Variants in CILK1 observed in about 807,000 individuals in gnomAD.
The protein encoded by CILK1 is serine/threonine-protein kinase ICK.
In CILK1, 47 loss-of-function variants were observed where a neutral mutation model predicts 79.2. The observed-to-expected ratio is 0.59, with a 90% CI of 0.47 to 0.76. The LOEUF (loss-of-function observed/expected upper bound fraction) is 0.76. Among genes scored for constraint, CILK1 ranks in the 30% least tolerant of loss-of-function variants. CILK1 has a pLI of 0.00. For synonymous variants in CILK1, 266 were observed against 275.9 expected, an observed-to-expected ratio of 0.96 and a Z score of 0.36; for missense variants, 660 against 769.5, an observed-to-expected ratio of 0.86 and a Z score of 1.68.
Position 53,016,093 on chromosome 6 carries a change from G to A in CILK1, c.821C>T (p.Thr274Ile). 6.2e-7 allele frequency: 1 copy of A among 1,614,022 alleles called. No homozygotes were observed. The highest frequency in any genetic ancestry group is 8.5e-7 in the Non-Finnish European group (1 of 1,179,872). ...AAAATGGAAGAAAACCTGACTAGCT[G>A]TTGGTCGTTTCTTGGGATCCCACTG... ...MLQWDPKKRP[T>I]ASQALRYPYF... Residue 274 changes from threonine to isoleucine, a missense_variant, in exon 8 of 14, where the codon ACA (threonine) becomes ATA (isoleucine). Coordinates refer to ENST00000676107, the MANE Select transcript of CILK1 (RefSeq NM_014920.5).
Position 53,038,693 on chromosome 6 carries a change from T to C in CILK1, c.102-700A>G, listed in dbSNP as rs933979755. Among the ~76,000 whole-genome samples the C allele has an allele frequency of 4.5e-4, 68 of 152,244 alleles. 2 individuals carry two copies. Among genetic ancestry groups the C allele is most frequent in the Non-Finnish European group, 2.9e-5 (2 of 68,040 alleles). ...CCAGTTTCTATAAGTGAAATTTTATTGGAACACAACCATACTCATTCATTT... is the reference window on the plus strand; with the variant it reads ...CCAGTTTCTATAAGTGAAATTTTATCGGAACACAACCATACTCATTCATTT... On this transcript the variant is annotated intron_variant, in intron 2 of 13. Coordinates refer to ENST00000676107, the MANE Select transcript of CILK1 (RefSeq NM_014920.5).
intron 9 of CILK1, among the ~76,000 whole-genome samples, chr6:53,013,359 T>C (rs1764689779): frequency 1.3e-5 from 2 of 152,200 alleles, no homozygotes; most frequent in African/African-American, 2.4e-5. Context: ...CTTGCATAGG[T>C]ATCAAGCTAC....
intron 1 of CILK1, among the ~76,000 whole-genome samples, chr6:53,043,887 G>A (rs1260545002): frequency 1.3e-5 from 2 of 152,042 alleles, no homozygotes; most frequent in Non-Finnish European, 2.9e-5. Context: ...TGGGCTTAGG[G>A]AGGGCAGGAA....
At chr6:53,037,169 C>G (rs1286951576) in intron 3 of CILK1, among the ~76,000 whole-genome samples, 2 of 152,128 alleles carry the variant, frequency 1.3e-5, no homozygotes. Context: ...AAGCACCACT[C>G]CACTGCACAA....
At chr6:53,015,891 T>C in intron 8 of CILK1, 192 bp downstream of exon 8, 1 of 589,680 alleles carries the variant, frequency 1.7e-6, no homozygotes, top group Non-Finnish European at 3.0e-6. Flanking sequence ...AACTATATTG[T>C]TTACATTGTA....
In CILK1 at chr6:53,031,139, T is replaced by C; in HGVS notation, c.284A>G (p.Lys95Arg). The part of the protein sequence containing the change: ...NLYQLIKERN[K>R]LFPESAIRNI... ...CCTTATAGCAGACTCAGGAAACAAC[T>C]TATTTCTGTATGAGGCAGAGGAAAA... is the stretch of plus-strand genomic sequence containing the variant. The change falls in exon 5 of 14, where the codon AAG becomes AGG. Residue 95 changes from lysine to arginine, a missense_variant. Physicochemically the swap from Lys to Arg is conservative, Grantham distance 26. Transcript: ENST00000676107. 6.2e-7 allele frequency: 1 copy of C among 1,600,224 alleles called. No homozygotes were observed. Among genetic ancestry groups the C allele is most frequent in the Admixed American group, 1.7e-5 (1 of 59,996 alleles).
At chr6:53,028,939 G>C (rs1004847116) in intron 5 of CILK1, among the ~76,000 whole-genome samples, 1 of 151,776 alleles carries the variant, frequency 6.6e-6, no homozygotes, top group African/African-American at 2.4e-5. Flanking sequence ...CTTATGTGTG[G>C]TCTATGTGTT....
intron 1 of CILK1, among the ~76,000 whole-genome samples, chr6:53,048,240 A>G (rs528232511): frequency 6.6e-6 from 1 of 152,354 alleles, no homozygotes; most frequent in African/African-American, 2.4e-5. Context: ...AAAGTACAAG[A>G]AGGGTAGATG....
At chr6:53,016,346 G>T in intron 7 of CILK1, 96 bp from the exon 8 acceptor site, 2 of 1,183,970 alleles carry the variant, frequency 1.7e-6, no homozygotes, top group Non-Finnish European at 2.5e-6. Flanking sequence ...AGGCAACCAT[G>T]TCATTACCCA....
rs893641224 is a variant in CILK1, at chr6:53,032,038, G to A, written c.278+495C>T. On this transcript the variant is annotated intron_variant, in intron 4 of 13. Transcript: ENST00000676107. ...AGTAGAGACAGGGTTTCCCCATGTT[G>A]ATGAGGCTGGTCGTGACCTCCTGAC... 2.0e-5 allele frequency among the ~76,000 whole-genome samples: 3 copies of A among 152,312 alleles called. No homozygotes were observed. In the South Asian group the frequency reaches 6.2e-4, roughly 32 times the overall value.
intron 5 of CILK1, among the ~76,000 whole-genome samples, chr6:53,029,584 C>T (rs1765795187): frequency 6.6e-6 from 1 of 152,136 alleles, no homozygotes; most frequent in Non-Finnish European, 1.5e-5. Context: ...TGCACTATGC[C>T]ACCTTCTTCA....
intron 1 of CILK1, among the ~76,000 whole-genome samples, chr6:53,059,880 T>C (rs1581789676): frequency 6.6e-6 from 1 of 152,222 alleles, no homozygotes; most frequent in African/African-American, 2.4e-5. Context: ...ATTCATTCAT[T>C]CAGCAACCAT....
chr6:53,011,731 T>C (rs1764581679), intron 11 of CILK1, 38 bp downstream of exon 11: 1 of 1,592,008 alleles, frequency 6.3e-7, no homozygotes, highest in Non-Finnish European at 8.6e-7. Flanking sequence ...CAGGGTTTCT[T>C]ATTAATAATC....
chr6:53,032,851 C>T (rs1240618082), intron 3 of CILK1, among the ~76,000 whole-genome samples, 197 bp from the exon 4 acceptor site: 1 of 152,138 alleles, frequency 6.6e-6, no homozygotes, highest in Non-Finnish European at 1.5e-5. Context: ...AAAACTACTT[C>T]AATGAACTGA....
At chr6:53,059,762 G>A (rs993603615) in intron 1 of CILK1, among the ~76,000 whole-genome samples, 1 of 152,220 alleles carries the variant, frequency 6.6e-6, no homozygotes, top group Non-Finnish European at 1.5e-5. Context: ...AGTACATAAT[G>A]GAGAGAAACT....
intron 1 of CILK1, among the ~76,000 whole-genome samples, chr6:53,059,829 G>A (rs1768268450): frequency 6.6e-6 from 1 of 152,166 alleles, no homozygotes; most frequent in Admixed American, 6.5e-5. Context: ...GATTAGACAG[G>A]CAATAGAACA....
intron 9 of CILK1, among the ~76,000 whole-genome samples, chr6:53,013,020 G>A (rs1250923790): frequency 6.6e-6 from 1 of 152,224 alleles, no homozygotes; most frequent in Non-Finnish European, 1.5e-5. Context: ...AATAACAGCA[G>A]TAATGTGGAT....
chr6:53,005,326 G>A (rs751536705), intron 13 of CILK1, 23 bp from the exon 14 acceptor site: 1 of 1,613,728 alleles, frequency 6.2e-7, no homozygotes, highest in Non-Finnish European at 8.5e-7. Flanking sequence ...AAAAAGGCCG[G>A]CATGACTGAT....
chr6:53,009,828 G>A (rs1431358175), intron 11 of CILK1, among the ~76,000 whole-genome samples: 1 of 152,126 alleles, frequency 6.6e-6, no homozygotes, highest in Non-Finnish European at 1.5e-5. Context: ...GCCATCCTGG[G>A]CTTCACTGCT....
Sources: allele counts gnomAD v4.1 joint callset (sites outside exome capture counted in the v4.1 genomes callset), GRCh38; gene constraint gnomAD v4.1.1; transcripts MANE v1.5; gene names NCBI Gene and HGNC (gene_info 2026-07-23, HGNC 2026-07-21).